MGAM: variants seen among roughly 807,000 people sequenced by gnomAD.
MGAM encodes the protein maltase-glucoamylase.
In MGAM, 253 loss-of-function variants were observed where a neutral mutation model predicts 358.8. The observed-to-expected ratio is 0.71, with a 90% confidence interval of 0.64 to 0.78. MGAM has a LOEUF of 0.78. MGAM is among the 30% of genes least tolerant of loss of function. MGAM has a pLI of 0.00. For synonymous variants in MGAM, 1,105 were observed against 1,227.1 expected, an observed-to-expected ratio of 0.90 and a Z score of 2.08; for missense variants, 3,080 against 3,432.6, an observed-to-expected ratio of 0.90 and a Z score of 2.57.
upstream of MGAM, among the ~76,000 whole-genome samples, chr7:141,991,388 G>T (rs562850129): frequency 6.3e-4 from 96 of 152,142 alleles, no homozygotes; most frequent in Non-Finnish European, 4.0e-4. Context: ...TCCAGAGGTG[G>T]GGTCACAATG....
chr7:142,044,650 A>G (rs1249308229), intron 21 of MGAM, among the ~76,000 whole-genome samples: 75 of 73,776 alleles, frequency 1.0e-3, no homozygotes, highest in East Asian at 3.3e-3. Flanking sequence ...AATATATGAT[A>G]TATAATGTAT....
At chr7:142,046,104 A>G (rs1212547428) in intron 21 of MGAM, among the ~76,000 whole-genome samples, 3 of 138,232 alleles carry the variant, frequency 2.2e-5, no homozygotes, top group Non-Finnish European at 4.6e-5. Context: ...TTATATATTT[A>G]TTTTTATATT....
intron 66 of MGAM, 66 bp downstream of exon 66, chr7:142,097,715 A>C: frequency 6.7e-7 from 1 of 1,494,000 alleles, no homozygotes; most frequent in Non-Finnish European, 9.3e-7. Context: ...TTTAGATCTG[A>C]TAGACCTTAG....
chr7:142,091,153 A>C (rs1305798138), intron 57 of MGAM, among the ~76,000 whole-genome samples: 1 of 144,444 alleles, frequency 6.9e-6, no homozygotes. Flanking sequence ...AGGCTGAGGC[A>C]AAAGAATCGC....
At chr7:142,008,195 C>G (rs1286993210) in intron 2 of MGAM, among the ~76,000 whole-genome samples, 1 of 152,178 alleles carries the variant, frequency 6.6e-6, no homozygotes, top group Non-Finnish European at 1.5e-5. Flanking sequence ...GCCATAGTTA[C>G]TGACCCCTAG....
intron 45 of MGAM, among the ~76,000 whole-genome samples, chr7:142,074,481 G>A (rs1371664624): frequency 6.8e-6 from 1 of 146,184 alleles, no homozygotes; most frequent in Non-Finnish European, 1.5e-5. Context: ...CTATGTTAAT[G>A]TCTTCCTCCG....
At chr7:142,020,942 A>G in intron 4 of MGAM, 32 bp from the exon 5 acceptor site, 1 of 1,462,040 alleles carries the variant, frequency 6.8e-7, no homozygotes, top group Non-Finnish European at 9.6e-7. Context: ...TGCAGAGTCA[A>G]CTATGAAAAC....
rs180731096 is a variant in MGAM at position 142,077,266 on chromosome 7, T to G, written c.5493+440T>G. Among the ~76,000 whole-genome samples the G allele has an allele frequency of 4.8e-5, 7 of 145,640 alleles. 1 individual carries two copies. The highest frequency in any genetic ancestry group is 1.5e-4 in the African/African-American group (6 of 41,106). ...GCTTTGGAGGTCTTAGTTACCAACT[T>G]GAATTAATTCTCAAGCAGTCTCATA... is the stretch of plus-strand genomic sequence containing the variant. On this transcript the variant is annotated intron_variant, in intron 47 of 70. Coordinates refer to ENST00000475668, the MANE Select transcript of MGAM (RefSeq NM_001365693.1).
chr7:142,025,002 C>G (rs1554460303), intron 7 of MGAM, 48 bp from the exon 8 acceptor site: 1 of 1,374,212 alleles, frequency 7.3e-7, no homozygotes, highest in East Asian at 2.3e-5. Flanking sequence ...CAGTGTGATG[C>G]TGAGACTTCT....
At chr7:141,999,433 G>T (rs1379239695) in intron 1 of MGAM, among the ~76,000 whole-genome samples, 4 of 152,188 alleles carry the variant, frequency 2.6e-5, no homozygotes, top group Non-Finnish European at 4.4e-5. Flanking sequence ...TGGCTGTGGA[G>T]TCCAAAGGGC....
chr7:142,052,751 G>C, intron 25 of MGAM, 33 bp from the exon 26 acceptor site: 1 of 1,610,146 alleles, frequency 6.2e-7, no homozygotes, highest in Non-Finnish European at 8.5e-7. Flanking sequence ...ACCACATGCT[G>C]TGCTGATCTA....
At chr7:142,083,800 G>A (rs1814531324) in intron 53 of MGAM, among the ~76,000 whole-genome samples, 1 of 143,920 alleles carries the variant, frequency 6.9e-6, no homozygotes, top group Non-Finnish European at 1.6e-5. Context: ...AGTGGTGGGG[G>A]TGGTGTTGAT....
In MGAM at chr7:142,071,001, A is replaced by G. The variant is rs2129047740; in HGVS notation, c.5069A>G (p.Asp1690Gly). The change falls in exon 44 of 71, where the codon GAT becomes GGT. Residue 1690 changes from aspartate to glycine, a missense_variant. Physicochemically the swap from Asp to Gly is moderately conservative, Grantham distance 94 (BLOSUM62 -1). This residue lies in a region of MGAM where 932 missense variants were observed against 1,198.2 expected (regional missense o/e 0.78). Transcript: ENST00000475668. ...ACCTTCTTCTGCCCCCAGGGTGTGG[A>G]TATTAATGCAAGAGGAGAGTGGAAG... is the stretch of plus-strand genomic sequence containing the variant. ...ARWYDYYTGV[D>G]INARGEWKTL... 1 of 1,556,184 alleles carries G rather than the reference A, an allele frequency of 6.4e-7. No homozygotes were observed. The highest frequency in any genetic ancestry group is 2.3e-5 in the East Asian group (1 of 43,958).
chr7:142,093,605 C>G, intron 60 of MGAM, 55 bp downstream of exon 60: 1 of 1,443,404 alleles, frequency 6.9e-7, no homozygotes, highest in South Asian at 1.2e-5. Flanking sequence ...TTGCCAGTGA[C>G]TGACATAGCT....
chr7:142,095,861 C>T, intron 64 of MGAM, 148 bp downstream of exon 64: 1 of 1,208,926 alleles, frequency 8.3e-7, no homozygotes, highest in South Asian at 1.5e-5. Context: ...CTCTTTAGCA[C>T]AGTGCTATAC....
At chr7:142,005,133 A>T (rs1805043512) in intron 1 of MGAM, among the ~76,000 whole-genome samples, 1 of 152,062 alleles carries the variant, frequency 6.6e-6, no homozygotes, top group South Asian at 2.1e-4. Flanking sequence ...TCCTCAGGAG[A>T]GCAGAACAAA....
intron 37 of MGAM, among the ~76,000 whole-genome samples, 169 bp downstream of exon 37, chr7:142,064,691 C>T (rs576960217): frequency 3.9e-5 from 6 of 152,258 alleles, no homozygotes; most frequent in Non-Finnish European, 8.8e-5. Context: ...TGGAGCCAGG[C>T]CCTGTGATTA....
At position 142,045,844 on chromosome 7, in the gene MGAM, A is replaced by G. The variant is rs1212479619; in HGVS notation, c.2499-1941A>G. On this transcript the variant is annotated intron_variant, in intron 21 of 70. Transcript: ENST00000475668. ...ATGATATATATTATATATACATACA[A>G]TATGTAATATATATATTATATATAC... 3.3e-5 allele frequency among the ~76,000 whole-genome samples: 4 copies of G among 120,700 alleles called. 2 individuals carry two copies. Among genetic ancestry groups the G allele is most frequent in the Non-Finnish European group, 6.3e-5 (4 of 63,136 alleles). 79.2% of individuals were successfully genotyped at this position (120,700 alleles called of 152,430 possible). A position where few individuals can be genotyped will look rare whatever the true frequency, so the allele number is the denominator to read the frequency against.
At chr7:141,997,978 G>T (rs1554449305) in intron 1 of MGAM, among the ~76,000 whole-genome samples, 1 of 152,136 alleles carries the variant, frequency 6.6e-6, no homozygotes, top group African/African-American at 2.4e-5. Context: ...TCTTGTGTTA[G>T]CAAAGGATTT....
Sources: gnomAD v4.1 joint callset for allele counts (sites outside exome capture counted in the v4.1 genomes callset) on GRCh38, gnomAD v4.1.1 for gene constraint, gnomAD v4.1.1 regional missense constraint, MANE v1.5 for transcripts, NCBI Gene and HGNC (gene_info 2026-07-23, HGNC 2026-07-21) for gene names.